The following GALM variants were observed in gnomAD, a reference collection of about 807,000 sequenced individuals.
GALM encodes aldose 1-epimerase.
GALM carries 43 observed loss-of-function variants against 37.4 expected under a neutral mutation model. The observed-to-expected ratio is 1.15, with a 90% CI of 0.90 to 1.48. The LOEUF (loss-of-function observed/expected upper bound fraction) is 1.48, where lower values mean the gene tolerates loss of function less well. Among genes scored for constraint, GALM ranks in the 40% most tolerant of loss-of-function variants. The probability of loss-of-function intolerance (pLI) is 0.00; values close to 1 mark genes in which losing one functional copy is unlikely to be tolerated. For missense variants in GALM, 456 were observed against 419.1 expected, an observed-to-expected ratio of 1.09 and a Z score of -0.77; for synonymous variants, 199 against 170.6, an observed-to-expected ratio of 1.17 and a Z score of -1.30.
At chr2:38,720,189 G>A (rs1666349269) in intron 4 of GALM, among the ~76,000 whole-genome samples, 1 of 152,064 alleles carries the variant, frequency 6.6e-6, no homozygotes, top group Non-Finnish European at 1.5e-5. Context: ...CTCCGCCTAG[G>A]TGACAGAGTG....
intron 4 of GALM, among the ~76,000 whole-genome samples, chr2:38,713,820 A>T (rs1333422169): frequency 6.6e-6 from 1 of 151,780 alleles, no homozygotes; most frequent in Non-Finnish European, 1.5e-5. Context: ...CAGGAGGATC[A>T]CTTGGTTCCA....
At chr2:38,698,052 T>A (rs968334403) in intron 4 of GALM, among the ~76,000 whole-genome samples, 1 of 151,944 alleles carries the variant, frequency 6.6e-6, no homozygotes, top group African/African-American at 2.4e-5. Context: ...CAAATGATCC[T>A]CTTGCTTCAG....
chr2:38,723,353 T>G (rs1186599318), intron 4 of GALM, among the ~76,000 whole-genome samples: 1 of 152,216 alleles, frequency 6.6e-6, no homozygotes, highest in Non-Finnish European at 1.5e-5. Flanking sequence ...TTCACCCTAG[T>G]AATCGCTAAA....
In GALM at chr2:38,723,524, C is replaced by G. The variant is rs368089547; in HGVS notation, c.635-6032C>G. On this transcript the variant is annotated intron_variant, in intron 4 of 6. Coordinates refer to ENST00000272252, the MANE Select transcript of GALM (RefSeq NM_138801.3). ...AAACTCCCGGCCAGGTGCAGCAACT[C>G]ACGCCTGTAATCGTAGCACTTTGGG... is the stretch of plus-strand genomic sequence containing the variant. Among the ~76,000 whole-genome samples, 42 of 152,298 alleles carry G rather than the reference C, an allele frequency of 2.8e-4. 1 individual carries two copies. Among genetic ancestry groups the G allele is most frequent in the South Asian group, 2.3e-3 (11 of 4,832 alleles).
At chr2:38,727,724 CAAAA>C (rs565518448) in intron 4 of GALM, among the ~76,000 whole-genome samples, 5 of 62,492 alleles carry the variant, frequency 8.0e-5, no homozygotes, top group Non-Finnish European at 1.4e-4. Flanking sequence ...GACTACGTCT[CAAAA>C]AAAAAAAAAA....
chr2:38,725,701 C>CT (rs1666472484), intron 4 of GALM, among the ~76,000 whole-genome samples: 1 of 151,872 alleles, frequency 6.6e-6, no homozygotes, highest in South Asian at 2.1e-4. Context: ...CTTTTCATTT[C>CT]TTTTCTTTTT....
chr2:38,680,965 G>A (rs1014236682), intron 2 of GALM, among the ~76,000 whole-genome samples: 45 of 152,064 alleles, frequency 3.0e-4, no homozygotes, highest in African/African-American at 9.2e-4. Context: ...GCAAAACCCC[G>A]TCTCTACGAA....
intron 2 of GALM, chr2:38,680,061 T>C (rs970710392): frequency 8.8e-6 from 4 of 455,428 alleles, no homozygotes; most frequent in African/African-American, 8.0e-5. Context: ...GTCACCCAGA[T>C]TGGAGTGCAA....
At chr2:38,717,678 G>T (rs1417743456) in intron 4 of GALM, among the ~76,000 whole-genome samples, 1 of 151,970 alleles carries the variant, frequency 6.6e-6, no homozygotes, top group African/African-American at 2.4e-5. Flanking sequence ...TGGAATTATA[G>T]GTGGAAGCCA....
At chr2:38,689,462 T>TACTG (rs1458651179) in intron 3 of GALM, among the ~76,000 whole-genome samples, 1 of 152,162 alleles carries the variant, frequency 6.6e-6, no homozygotes, top group East Asian at 1.9e-4. Flanking sequence ...TGGTTACCAG[T>TACTG]CATTGCTCTT....
chr2:38,726,034 CA>C (rs1468042057), intron 4 of GALM, among the ~76,000 whole-genome samples: 1 of 151,726 alleles, frequency 6.6e-6, no homozygotes, highest in East Asian at 2.0e-4. Context: ...ATCATGTAAA[CA>C]TTGCAGGACA....
chr2:38,676,415 C>T (rs1665262054), intron 2 of GALM, among the ~76,000 whole-genome samples: 2 of 152,112 alleles, frequency 1.3e-5, no homozygotes, highest in South Asian at 2.1e-4. Context: ...CATATATTAT[C>T]TCTTACTCTT....
chr2:38,706,177 G>T (rs551012872), intron 4 of GALM, among the ~76,000 whole-genome samples: 2 of 151,856 alleles, frequency 1.3e-5, no homozygotes, highest in South Asian at 2.1e-4. Context: ...GCTAATTTTT[G>T]TATTTTTAGG....
At chr2:38,730,355 C>A (rs897683935) in intron 5 of GALM, among the ~76,000 whole-genome samples, 1 of 152,200 alleles carries the variant, frequency 6.6e-6, no homozygotes, top group East Asian at 1.9e-4. Context: ...CAACCTCCGC[C>A]TCCCGGGTTC....
Position 38,666,324 on chromosome 2 carries a change from G to T in GALM, c.163G>T (p.Val55Leu), listed in dbSNP as rs1428886724. Residue 55 changes from valine (V) to leucine (L), a missense_variant, in exon 1 of 7, where the codon GTG (valine) becomes TTG (leucine). By Grantham distance (32) the Val-to-Leu change is conservative. Coordinates refer to ENST00000272252, the MANE Select transcript of GALM (RefSeq NM_138801.3). ...AGACAGGCAGGGGAGAGCCTCGGAC[G>T]TGGTGCTTGGCTTCGCCGAGTTGGA... ...VKDRQGRASD[V>L]VLGFAELEGY... 6.2e-7 allele frequency: 1 copy of T among 1,613,022 alleles called. No homozygotes were observed. The highest frequency in any genetic ancestry group is 1.3e-5 in the African/African-American group (1 of 74,910).
chr2:38,679,951 G>A (rs572929989), intron 2 of GALM: 1 of 428,806 alleles, frequency 2.3e-6, no homozygotes, highest in African/African-American at 2.0e-5. Context: ...GGACAAAGTT[G>A]AGAACAGCCA....
chr2:38,717,111 G>A (rs113747407), intron 4 of GALM, among the ~76,000 whole-genome samples: 6,595 of 151,926 alleles, frequency 0.043, 489 homozygotes, highest in African/African-American at 0.15. Context: ...TTAGCTAGGC[G>A]TGGGAGCACA....
intron 6 of GALM, 85 bp downstream of exon 6, chr2:38,731,994 G>C: frequency 9.0e-7 from 1 of 1,110,468 alleles, no homozygotes; most frequent in Non-Finnish European, 1.3e-6. Context: ...GAATCAGCTT[G>C]TATGATTCAA....
At chr2:38,684,545 G>T (rs58698866) in intron 3 of GALM, among the ~76,000 whole-genome samples, 2 of 152,050 alleles carry the variant, frequency 1.3e-5, no homozygotes, top group African/African-American at 2.4e-5. Context: ...GGCAGCTCAC[G>T]CCTGTAATCC....
Sources: gnomAD v4.1 joint callset for allele counts (sites outside exome capture counted in the v4.1 genomes callset) on GRCh38, gnomAD v4.1.1 for gene constraint, MANE v1.5 for transcripts, NCBI Gene and HGNC (gene_info 2026-07-23, HGNC 2026-07-21) for gene names.